CAPN13: variants seen among roughly 807,000 people sequenced by gnomAD.
CAPN13 encodes calpain 13, also known as calpain-13.
A neutral mutation model predicts 98.4 loss-of-function variants in CAPN13; 90 were observed. The observed-to-expected ratio is 0.92, with a 90% CI of 0.77 to 1.09. The LOEUF (loss-of-function observed/expected upper bound fraction) is 1.09. Among genes scored for constraint, CAPN13 ranks in the 50% least tolerant of loss-of-function variants. The probability of loss-of-function intolerance (pLI) is 0.00; values close to 1 mark genes in which losing one functional copy is unlikely to be tolerated. For missense variants in CAPN13, 887 were observed against 841.3 expected (o/e 1.05, Z -0.67); for synonymous variants, 330 against 305.5 (o/e 1.08, Z -0.84).
chr2:30,748,218 C>G (rs936320608), intron 11 of CAPN13, among the ~76,000 whole-genome samples: 1 of 152,208 alleles, frequency 6.6e-6, no homozygotes, highest in Admixed American at 6.5e-5. Context: ...CCAGGGGCCT[C>G]AGTTCCTTCT....
intron 11 of CAPN13, 134 bp downstream of exon 11, chr2:30,750,969 G>T: frequency 1.0e-6 from 1 of 991,054 alleles, no homozygotes; most frequent in Non-Finnish European, 1.5e-6. Context: ...CTGCATGAAT[G>T]CTACAGCCTC....
intron 10 of CAPN13, among the ~76,000 whole-genome samples, chr2:30,752,305 T>C (rs1006629118): frequency 1.8e-4 from 27 of 152,160 alleles, no homozygotes; most frequent in Admixed American, 7.9e-4. Context: ...CACACACAAA[T>C]GCATTGTTTA....
chr2:30,741,816 C>G (rs775323056), intron 15 of CAPN13, 92 bp downstream of exon 15: 1 of 1,599,748 alleles, frequency 6.3e-7, no homozygotes, highest in Non-Finnish European at 8.5e-7. Context: ...CTTCTCCTCT[C>G]TGCATCCCAG....
chr2:30,727,917 C>T (rs1196674378), intron 22 of CAPN13, among the ~76,000 whole-genome samples: 1 of 151,764 alleles, frequency 6.6e-6, no homozygotes, highest in Non-Finnish European at 1.5e-5. Context: ...TGTCTATCAA[C>T]TGAGGAATAG....
chr2:30,738,168 G>A, intron 17 of CAPN13, 67 bp downstream of exon 17: 1 of 1,558,972 alleles, frequency 6.4e-7, no homozygotes, highest in Non-Finnish European at 8.8e-7. Context: ...GTCCTAATTA[G>A]GTCTCTGGGG....
chr2:30,758,806 C>CCCTCCCTCCCTTTCCTTCCTCCCTT (rs1558314699), intron 7 of CAPN13, among the ~76,000 whole-genome samples: 1 of 96,384 alleles, frequency 1.0e-5, no homozygotes, highest in Non-Finnish European at 2.1e-5. Flanking sequence ...CTTCCTCCCT[C>CCCTCCCTCCCTTTCCTTCCTCCCTT]CCTTCCCTTC....
chr2:30,746,555 C>A, intron 11 of CAPN13: 2 of 169,868 alleles, frequency 1.2e-5, no homozygotes, highest in East Asian at 1.6e-4. Context: ...GGCCATGGCT[C>A]TTGCAGCCTG....
At position 30,751,229 on chromosome 2, in the gene CAPN13, T is replaced by A. The variant is rs756935226; in HGVS notation, c.1110A>T (p.Gln370His). Residue 370 changes from glutamine (Q) to histidine (H), a missense_variant, in exon 11 of 23, where the codon CAA becomes CAT. Coordinates refer to ENST00000295055, the MANE Select transcript of CAPN13 (RefSeq NM_144575.3). Reference sequence around the variant, plus strand: ...TTGGCTCTTGCACAGAGAAGTTGAATTGAGCATCATTCCGAGGTCCTCCTG... The same window carrying A: ...TTGGCTCTTGCACAGAGAAGTTGAAATGAGCATCATTCCGAGGTCCTCCTG... ...NTAGGPRNDA[Q>H]FNFSVQEPME... The A allele has an allele frequency of 3.1e-6, 5 of 1,613,950 alleles. No individual in the cohort carries two copies. In the East Asian group the frequency reaches 8.9e-5, roughly 29 times the overall value.
chr2:30,766,413 G>C (rs1007734023), intron 5 of CAPN13, among the ~76,000 whole-genome samples: 2 of 152,206 alleles, frequency 1.3e-5, no homozygotes, highest in Non-Finnish European at 2.9e-5. Flanking sequence ...TATCCACAAC[G>C]CCCATGAAAC....
At chr2:30,806,452 G>T (rs1439994105) in intron 1 of CAPN13, among the ~76,000 whole-genome samples, 1 of 152,064 alleles carries the variant, frequency 6.6e-6, no homozygotes. Flanking sequence ...TTATGTCAAG[G>T]TGGGTACAAA....
chr2:30,752,952 T>C (rs566796170), intron 10 of CAPN13, 101 bp downstream of exon 10: 6 of 1,298,868 alleles, frequency 4.6e-6, no homozygotes, highest in Admixed American at 2.0e-5. Context: ...TTCAGGCTCA[T>C]GGTCCAGAAT....
rs542731683 is a variant in CAPN13 at position 30,774,488 on chromosome 2, C to A, written c.387+1442G>T. Among the ~76,000 whole-genome samples the A allele has an allele frequency of 6.6e-5, 10 of 152,188 alleles. No homozygotes were observed. In the South Asian group the frequency reaches 1.9e-3, roughly 28 times the overall value. ...CAGATTGAGAAAGTAGATTTAGTCA[C>A]AGATTACAAGAGGTTAAATGAATTG... On this transcript the variant is annotated intron_variant, in intron 4 of 22. Coordinates refer to ENST00000295055, the MANE Select transcript of CAPN13 (RefSeq NM_144575.3).
chr2:30,763,576 C>A (rs990260963), intron 6 of CAPN13, among the ~76,000 whole-genome samples: 1 of 152,166 alleles, frequency 6.6e-6, no homozygotes, highest in Admixed American at 6.5e-5. Flanking sequence ...TGACTCAAAG[C>A]CCACATGTTT....
chr2:30,788,652 A>G (rs1052026086), intron 1 of CAPN13, among the ~76,000 whole-genome samples: 3 of 152,232 alleles, frequency 2.0e-5, no homozygotes, highest in Non-Finnish European at 2.9e-5. Flanking sequence ...ATGAGCAAGG[A>G]CTATAAAGGA....
chr2:30,768,285 C>T (rs1369595819), intron 5 of CAPN13, among the ~76,000 whole-genome samples: 9 of 152,150 alleles, frequency 5.9e-5, no homozygotes, highest in Admixed American at 5.2e-4. Context: ...GGCAGGGAAT[C>T]GGGTGGAAAG....
chr2:30,761,513 C>T (rs1183406754), intron 7 of CAPN13, among the ~76,000 whole-genome samples: 1 of 152,170 alleles, frequency 6.6e-6, no homozygotes, highest in African/African-American at 2.4e-5. Flanking sequence ...ACTCATGCTC[C>T]AAGGTCATCT....
intron 21 of CAPN13, among the ~76,000 whole-genome samples, chr2:30,731,140 G>GA (rs531743072): frequency 2.5e-3 from 377 of 152,200 alleles, no homozygotes; most frequent in African/African-American, 5.9e-3. Flanking sequence ...TAAGCTATTG[G>GA]AAAAAAATAA....
intron 22 of CAPN13, among the ~76,000 whole-genome samples, chr2:30,726,104 A>G (rs1207020596): frequency 6.6e-6 from 1 of 152,228 alleles, no homozygotes; most frequent in African/African-American, 2.4e-5. Context: ...TCTCCAGGGT[A>G]GGTGTTTCGC....
chr2:30,777,391 C>G, intron 3 of CAPN13, among the ~76,000 whole-genome samples, 176 bp downstream of exon 3: 1 of 152,240 alleles, frequency 6.6e-6, no homozygotes, highest in East Asian at 1.9e-4. Context: ...TTCATTTTTC[C>G]TGTCTCCTTT....
Sources: allele counts gnomAD v4.1 joint callset (sites outside exome capture counted in the v4.1 genomes callset), GRCh38; gene constraint gnomAD v4.1.1; transcripts MANE v1.5; gene names NCBI Gene and HGNC (gene_info 2026-07-23, HGNC 2026-07-21).